Variants in INTS11 observed in about 807,000 individuals in gnomAD.
INTS11 encodes integrator complex subunit 11.
A neutral mutation model predicts 78.6 loss-of-function variants in INTS11; 77 were observed. The observed-to-expected ratio is 0.98, with a 90% CI of 0.81 to 1.18. The LOEUF is 1.18. INTS11 is among the 50% of genes most tolerant of loss of function. INTS11 has a pLI of 0.00. For synonymous variants in INTS11, 441 were observed against 326.9 expected (o/e 1.35, Z -3.77); for missense variants, 875 against 825.9 (o/e 1.06, Z -0.73).
intron 1 of INTS11, chr1:1,322,025 T>G: frequency 7.9e-5 from 94 of 1,196,512 alleles, no homozygotes; most frequent in East Asian, 9.6e-5. Context: ...TCCAGGCCTG[T>G]TCCTGCCCCC....
chr1:1,318,928 C>T, intron 4 of INTS11: 1 of 716,564 alleles, frequency 1.4e-6, no homozygotes, highest in Non-Finnish European at 2.6e-6. Flanking sequence ...CCCCTCCAGC[C>T]CCTGCCTCCC....
rs746999643 is a variant in INTS11 at position 1,312,466 on chromosome 1, G to A, written c.1438C>T (p.His480Tyr). ...LPEAKKPRLL[H>Y]GTLIMKDSNF... is the part of the protein sequence containing the mutation. ...CTGTCCTTCATGATCAGGGTGCCGT[G>A]CAGGAGCCGAGGCTTCTTGGCCTCA... The change falls in exon 14 of 17, where the codon CAC becomes TAC. Residue 480 changes from histidine (H) to tyrosine (Y), a missense_variant. Transcript: ENST00000435064. The A allele has an allele frequency of 3.2e-5, 50 of 1,575,688 alleles. No homozygotes were observed. The South Asian group carries it at 4.8e-4, about 15-fold the overall frequency.
intron 9 of INTS11, 52 bp from the exon 10 acceptor site, chr1:1,313,644 C>A: frequency 1.2e-6 from 2 of 1,610,916 alleles, no homozygotes; most frequent in Non-Finnish European, 1.7e-6. Context: ...ATGCCCCCAC[C>A]CCCACTGCAG....
chr1:1,322,159 T>C (rs1642984090), intron 1 of INTS11, among the ~76,000 whole-genome samples: 1 of 151,910 alleles, frequency 6.6e-6, no homozygotes, highest in Non-Finnish European at 1.5e-5. Context: ...CCGCCCCTCT[T>C]CATGCCCAGG....
Position 1,314,039 on chromosome 1 carries a change from G to T in INTS11, c.768-118C>A. On this transcript the variant is annotated intron_variant, in intron 8 of 16. Transcript: ENST00000435064. The surrounding 1 kb of genome is among the most constrained non-coding windows in gnomAD (Gnocchi z 4.2). Reference sequence around the variant, plus strand: ...ACAGCCCACGCACGGGCCAGGTTGAGTCCAGTCGCGACCACTTGTCCCATT... The same window carrying T: ...ACAGCCCACGCACGGGCCAGGTTGATTCCAGTCGCGACCACTTGTCCCATT... The T allele has an allele frequency of 9.5e-7, 1 of 1,049,712 alleles. No individual in the cohort carries two copies. Among genetic ancestry groups the T allele is most frequent in the Non-Finnish European group, 1.4e-6 (1 of 711,758 alleles). 65.0% of individuals were successfully genotyped at this position (1,049,712 alleles called of 1,614,324 possible).
chr1:1,314,372 G>A lies in INTS11; in HGVS notation c.703-7C>T, dbSNP rs201747593. ...CGAACACAGGTATCAGCACCTGAGGGGGACACAAGGCAGGAGCCCTGGGCA... is the reference window on the plus strand; with the variant it reads ...CGAACACAGGTATCAGCACCTGAGGAGGACACAAGGCAGGAGCCCTGGGCA... On this transcript the variant is annotated splice_polypyrimidine_tract_variant and splice_region_variant and intron_variant, in intron 7 of 16. Transcript: ENST00000435064. This position sits in a 1 kb window ranked among gnomAD's most constrained non-coding sequence, Gnocchi z 4.2. 32 of 1,603,548 alleles carry A rather than the reference G, an allele frequency of 2.0e-5. No homozygotes were observed. Among genetic ancestry groups the A allele is most frequent in the Non-Finnish European group, 2.3e-5 (27 of 1,175,334 alleles).
rs1015038108 is a variant in INTS11 at position 1,319,365 on chromosome 1, G to T, written c.360C>A (p.Phe120Leu). 6.2e-7 allele frequency: 1 copy of T among 1,613,310 alleles called. No homozygotes were observed. Among genetic ancestry groups the T allele is most frequent in the Non-Finnish European group, 8.5e-7 (1 of 1,180,032 alleles). The change falls in exon 4 of 17, where the codon TTC becomes TTA. Residue 120 changes from phenylalanine (F) to leucine (L), a missense_variant. By Grantham distance (22) the Phe-to-Leu change is conservative. Transcript: ENST00000435064. ...IAVDKKGEAN[F>L]FTSQMIKDCM... is the part of the protein sequence containing the mutation. ...AGTCTTTGATCATCTGGGAGGTGAA[G>T]AAGTTGGCCTCGCCCTTCTTGTCTA... is the stretch of plus-strand genomic sequence containing the variant.
chr1:1,320,816 G>A (rs765823414), intron 2 of INTS11, 180 bp downstream of exon 2: 5 of 737,582 alleles, frequency 6.8e-6, no homozygotes, highest in African/African-American at 5.2e-5. Flanking sequence ...AGCACAGGGG[G>A]ACCCCACCAT....
chr1:1,315,698 G>T (rs575244392), intron 4 of INTS11, 80 bp from the exon 5 acceptor site: 29 of 356,128 alleles, frequency 8.1e-5, no homozygotes, highest in African/African-American at 7.9e-4. Flanking sequence ...GACGGGAAGC[G>T]CGGGAGGCGG....
chr1:1,313,526 C>A lies in INTS11; in HGVS notation c.1024G>T (p.Gly342Ter). 6.2e-7 allele frequency: 1 copy of A among 1,613,022 alleles called. No individual in the cohort carries two copies. Among genetic ancestry groups the A allele is most frequent in the South Asian group, 1.1e-5 (1 of 91,092 alleles). The stretch of plus-strand genomic sequence containing the variant: ...GCCCTCACCATGTTCTTTTCGTTTC[C>A]GGCCCATTTCCGGAAGATCTGCAGG... ...QSLQIFRKWA[G>*]NEKNMVIMPG... The change falls in exon 10 of 17, where the codon GGA (glycine) becomes TGA (stop). Residue 342 changes from glycine to a stop codon, truncating the protein, a stop_gained. Transcript: ENST00000435064. LOFTEE classifies it high-confidence loss of function.
rs1200250549 is a variant in INTS11 at position 1,313,817 on chromosome 1, C to T, written c.872G>A (p.Arg291His). 12 of 1,613,378 alleles carry T rather than the reference C, an allele frequency of 7.4e-6. No individual in the cohort carries two copies. The highest frequency in any genetic ancestry group is 9.3e-6 in the Non-Finnish European group (11 of 1,179,982). Residue 291 changes from arginine to histidine, a missense_variant, in exon 9 of 17, where the codon CGC (arginine) becomes CAC (histidine). Physicochemically the swap from Arg to His is conservative, Grantham distance 29. Coordinates refer to ENST00000435064, the MANE Select transcript of INTS11 (RefSeq NM_017871.6). ...CATGTTCCTCTGCACGAAAGTCTTG[C>T]GGATCTTCTGGTTGGTCCAGGGGAT... ...LFIPWTNQKI[R>H]KTFVQRNMFE...
chr1:1,313,190 G>C, intron 10 of INTS11, 66 bp from the exon 11 acceptor site: 1 of 1,520,560 alleles, frequency 6.6e-7, no homozygotes, highest in Non-Finnish European at 8.9e-7. Context: ...CCTTGCCCGG[G>C]ATGCCCCCGC....
At chr1:1,312,563 A>ACCCTGCCCTGCCCTG (rs562147098) in intron 13 of INTS11, 30 bp downstream of exon 13, 4 of 1,581,330 alleles carry the variant, frequency 2.5e-6, no homozygotes, top group Non-Finnish European at 2.6e-6. Flanking sequence ...TGCCCCGAGC[A>ACCCTGCCCTGCCCTG]CCCTGCCCTG....
At position 1,324,589 on chromosome 1, in the gene INTS11, G is replaced by T. The variant is rs1643226802; in HGVS notation, c.20C>A (p.Thr7Lys). Residue 7 changes from threonine (T) to lysine (K), a missense_variant, in exon 1 of 17, where the codon ACG (threonine) becomes AAG (lysine). By Grantham distance (78) the Thr-to-Lys change is moderately conservative. Transcript: ENST00000435064. Reference protein sequence around the residue: MPEIRVTPLGAGQDVGR... With the variant: MPEIRVKPLGAGQDVGR... The stretch of plus-strand genomic sequence containing the variant: ...CGGCGGCTCCCACTCACCCAAGGGC[G>T]TGACTCTGATCTCAGGCATCGTCTC... 1 of 1,596,202 alleles carries T rather than the reference G, an allele frequency of 6.3e-7. No individual in the cohort carries two copies. Among genetic ancestry groups the T allele is most frequent in the Non-Finnish European group, 8.5e-7 (1 of 1,173,438 alleles).
chr1:1,318,519 C>T (rs78420767), intron 4 of INTS11: 7,165 of 190,838 alleles, frequency 0.038, 538 homozygotes, highest in African/African-American at 0.15. Context: ...ATTAGCTGGG[C>T]GTATGGGCAC....
intron 2 of INTS11, 176 bp from the exon 3 acceptor site, chr1:1,320,705 C>T (rs778112563): frequency 1.3e-6 from 1 of 747,244 alleles, no homozygotes; most frequent in Non-Finnish European, 2.4e-6. Context: ...TCCGGAGGGG[C>T]CGAGGTTACC....
chr1:1,315,463 G>A, intron 5 of INTS11, 25 bp from the exon 6 acceptor site: 2 of 1,613,048 alleles, frequency 1.2e-6, no homozygotes, highest in South Asian at 1.1e-5. Context: ...AGGATGCCAT[G>A]AGGAGGGTGC....
intron 1 of INTS11, among the ~76,000 whole-genome samples, chr1:1,323,809 A>C (rs767224654): frequency 7.1e-5 from 9 of 126,892 alleles, no homozygotes; most frequent in Non-Finnish European, 1.3e-4. Flanking sequence ...GTTGATTGTA[A>C]CTCGGGCGTG....
intron 1 of INTS11, chr1:1,322,960 C>A (rs1268612873): frequency 1.5e-6 from 2 of 1,352,740 alleles, no homozygotes; most frequent in Non-Finnish European, 1.9e-6. Flanking sequence ...CATGAAAGAT[C>A]AGAAAGATCA....
Sources: allele counts gnomAD v4.1 joint callset (sites outside exome capture counted in the v4.1 genomes callset), GRCh38; gene constraint gnomAD v4.1.1; non-coding constraint Gnocchi (gnomAD v3.1); transcripts MANE v1.5; gene names NCBI Gene and HGNC (gene_info 2026-07-23, HGNC 2026-07-21).